Variants in DPYSL2 observed in about 807,000 individuals in gnomAD.
DPYSL2 encodes dihydropyrimidinase like 2, also known as dihydropyrimidinase-related protein 2.
In DPYSL2, 13 loss-of-function variants were observed where a neutral mutation model predicts 69.9. The observed-to-expected ratio is 0.19, with a 90% CI of 0.12 to 0.30. DPYSL2 has a LOEUF of 0.30. Ranked by LOEUF, DPYSL2 falls within the 10% of genes least tolerant of loss-of-function variation. The probability of loss-of-function intolerance (pLI) is 1.00; values close to 1 mark genes in which losing one functional copy is unlikely to be tolerated. For missense variants in DPYSL2, 587 were observed against 918.9 expected (o/e 0.64, Z 4.67); for synonymous variants, 326 against 359.1 (o/e 0.91, Z 1.04).
At chr8:26,557,615 T>TAAAAAGAAAAA (rs1801009262) in intron 1 of DPYSL2, among the ~76,000 whole-genome samples, 1 of 5,266 alleles carries the variant, frequency 1.9e-4, no homozygotes, top group Non-Finnish European at 4.8e-4. Flanking sequence ...CTGTCTCTAC[T>TAAAAAGAAAAA]AAAAATACAA....
In DPYSL2 at chr8:26,647,545, G is replaced by A; in HGVS notation, c.1426-85G>A. The A allele has an allele frequency of 7.1e-7, 1 of 1,401,516 alleles. No individual in the cohort carries two copies. The highest frequency in any genetic ancestry group is 9.7e-7 in the Non-Finnish European group (1 of 1,027,012). The allele number at this position is 1,401,516 out of a possible 1,614,324, so 86.8% of individuals were successfully genotyped here. ...TTGACATCCATCTAAGCTGTCGTGT[G>A]TATCAATAGTTTGTTATTGAAAAGT... On this transcript the variant is annotated intron_variant, in intron 10 of 13. Transcript: ENST00000521913. This position sits in a 1 kb window ranked among gnomAD's most constrained non-coding sequence, Gnocchi z 5.1.
chr8:26,560,192 C>G lies in DPYSL2; in HGVS notation c.355-21777C>G, dbSNP rs150340013. ...TTCCCGACGGCCTTGGCAGCTCACTCTGCCTGAACCTGGGTGGCAGGGGCT... is the reference window on the plus strand; with the variant it reads ...TTCCCGACGGCCTTGGCAGCTCACTGTGCCTGAACCTGGGTGGCAGGGGCT... On this transcript the variant is annotated intron_variant, in intron 1 of 13. Transcript: ENST00000521913. The surrounding 1 kb of genome is among the most constrained non-coding windows in gnomAD (Gnocchi z 4.4). 3.3e-3 allele frequency among the ~76,000 whole-genome samples: 496 copies of G among 152,292 alleles called. 6 individuals carry two copies. Among genetic ancestry groups the G allele is most frequent in the African/African-American group, 0.011 (466 of 41,568 alleles).
Position 26,624,426 on chromosome 8 carries a change from C to T in DPYSL2, c.793+119C>T. 7.6e-7 allele frequency: 1 copy of T among 1,314,890 alleles called. No individual in the cohort carries two copies. The highest frequency in any genetic ancestry group is 1.1e-6 in the Non-Finnish European group (1 of 951,392). 81.5% of individuals were successfully genotyped at this position (1,314,890 alleles called of 1,614,324 possible). A position where few individuals can be genotyped will look rare whatever the true frequency, so the allele number is the denominator to read the frequency against. On this transcript the variant is annotated intron_variant, in intron 4 of 13. Coordinates refer to ENST00000521913, the MANE Select transcript of DPYSL2 (RefSeq NM_001197293.3). This position sits in a 1 kb window ranked among gnomAD's most constrained non-coding sequence, Gnocchi z 4.7. ...TCCCATTTGTGCCTCATGCCCATGC[C>T]TGCCCCTGGGAAGGAGAGAGGGCTT...
At chr8:26,563,061 G>T (rs73678810) in intron 1 of DPYSL2, among the ~76,000 whole-genome samples, 4,288 of 152,194 alleles carry the variant, frequency 0.028, 208 homozygotes, top group African/African-American at 0.096. Context: ...TCCTTGGAAG[G>T]CATCTCTTCT....
chr8:26,567,432 C>T (rs545998685), intron 1 of DPYSL2, among the ~76,000 whole-genome samples: 1 of 152,356 alleles, frequency 6.6e-6, no homozygotes, highest in Admixed American at 6.5e-5. Flanking sequence ...ATCCATCCAT[C>T]CATCCTTTCA....
intron 1 of DPYSL2, among the ~76,000 whole-genome samples, chr8:26,556,751 G>A (rs907196884): frequency 6.6e-6 from 1 of 151,968 alleles, no homozygotes. Context: ...TGAATCTAAA[G>A]TTTATATGGA....
chr8:26,626,482 A>AACACAC lies in DPYSL2; in HGVS notation c.794-100_794-95dup, dbSNP rs58931747. On this transcript the variant is annotated intron_variant, in intron 4 of 13. Transcript: ENST00000521913. This position sits in a 1 kb window ranked among gnomAD's most constrained non-coding sequence, Gnocchi z 4.3. ...TCTCCTCTCTCTTTCTCTGTACTGA[A>AACACAC]ACACACACACACACACACACACACA... 8.3e-4 allele frequency: 454 copies of AACACAC among 547,456 alleles called. No homozygotes were observed. The highest frequency in any genetic ancestry group is 3.4e-3 in the East Asian group (108 of 31,820). The allele number at this position is 547,456 out of a possible 1,614,324, so 33.9% of individuals were successfully genotyped here. A position where few individuals can be genotyped will look rare whatever the true frequency, so the allele number is the denominator to read the frequency against.
At chr8:26,546,130 T>C (rs960742990) in intron 1 of DPYSL2, among the ~76,000 whole-genome samples, 4 of 152,254 alleles carry the variant, frequency 2.6e-5, no homozygotes. Context: ...AACTTGGGAA[T>C]ATTTCTTCAT....
chr8:26,556,565 T>C (rs1800991608), intron 1 of DPYSL2, among the ~76,000 whole-genome samples: 1 of 150,278 alleles, frequency 6.7e-6, no homozygotes, highest in African/African-American at 2.4e-5. Flanking sequence ...AGAATTTATA[T>C]TAAAAACATA....
Position 26,565,780 on chromosome 8 carries a change from C to T in DPYSL2, c.355-16189C>T, listed in dbSNP as rs1403974770. ...GGCAGAGAAAGGTACAGGGTCCCCG[C>T]TCCATGCAATTAACTGGAAAGTCAA... On this transcript the variant is annotated intron_variant, in intron 1 of 13. Coordinates refer to ENST00000521913, the MANE Select transcript of DPYSL2 (RefSeq NM_001197293.3). The surrounding 1 kb of genome is among the most constrained non-coding windows in gnomAD (Gnocchi z 4.1). Among the ~76,000 whole-genome samples the T allele has an allele frequency of 6.6e-6, 1 of 152,192 alleles. No individual in the cohort carries two copies. The highest frequency in any genetic ancestry group is 2.4e-5 in the African/African-American group (1 of 41,446).
rs1801615136 is a variant in DPYSL2, at chr8:26,586,802, T to A, written c.628+2819T>A. Among the ~76,000 whole-genome samples, 1 of 152,196 alleles carries A rather than the reference T, an allele frequency of 6.6e-6. No homozygotes were observed. ...AGTCTGACCGCCTGCTCTGCTTCCTTGGCCAGAATGCTATGGCATTTGCAC... is the reference window on the plus strand; with the variant it reads ...AGTCTGACCGCCTGCTCTGCTTCCTAGGCCAGAATGCTATGGCATTTGCAC... On this transcript the variant is annotated intron_variant, in intron 3 of 13. Coordinates refer to ENST00000521913, the MANE Select transcript of DPYSL2 (RefSeq NM_001197293.3). This position sits in a 1 kb window ranked among gnomAD's most constrained non-coding sequence, Gnocchi z 4.7.
chr8:26,592,142 A>T (rs1165197744), intron 3 of DPYSL2, among the ~76,000 whole-genome samples: 1 of 152,178 alleles, frequency 6.6e-6, no homozygotes, highest in East Asian at 1.9e-4. Flanking sequence ...TTTTTAAAAA[A>T]ATTAATGGTG....
At chr8:26,556,192 T>TATTA (rs370573016) in intron 1 of DPYSL2, among the ~76,000 whole-genome samples, 1 of 9,026 alleles carries the variant, frequency 1.1e-4, no homozygotes, top group Non-Finnish European at 1.9e-4. Context: ...ACTATATATA[T>TATTA]TATATATACT....
intron 1 of DPYSL2, among the ~76,000 whole-genome samples, chr8:26,546,797 T>C (rs1306340200): frequency 6.6e-6 from 1 of 151,294 alleles, no homozygotes; most frequent in Non-Finnish European, 1.5e-5. Context: ...GGCGGGCACC[T>C]GTAGTCCCAG....
At chr8:26,536,072 C>A (rs189339161) in intron 1 of DPYSL2, among the ~76,000 whole-genome samples, 3 of 151,486 alleles carry the variant, frequency 2.0e-5, no homozygotes, top group Admixed American at 2.0e-4. Context: ...CAGGTACATG[C>A]CACCATGCCC....
At position 26,624,028 on chromosome 8, in the gene DPYSL2, A is replaced by C; in HGVS notation, c.629-115A>C. 1 of 1,077,190 alleles carries C rather than the reference A, an allele frequency of 9.3e-7. No homozygotes were observed. Among genetic ancestry groups the C allele is most frequent in the South Asian group, 1.5e-5 (1 of 65,508 alleles). The allele number at this position is 1,077,190 out of a possible 1,614,324, so 66.7% of individuals were successfully genotyped here. On this transcript the variant is annotated intron_variant, in intron 3 of 13. Transcript: ENST00000521913. The surrounding 1 kb of genome is among the most constrained non-coding windows in gnomAD (Gnocchi z 4.7). ...TTCTTAGAAGCTGGTTGTAGAGATC[A>C]CCATCTCGATTTTGAACCCAAGAAG...
In DPYSL2 at chr8:26,655,719, G is replaced by A. The variant is rs1444159412; in HGVS notation, c.*13G>A. Reference sequence around the variant, plus strand: ...CAGCCTGGGCTAGAGCTCCTGGGCTGTGCCGTCCACTGGGGACTGGGGATG... The same window carrying A: ...CAGCCTGGGCTAGAGCTCCTGGGCTATGCCGTCCACTGGGGACTGGGGATG... On this transcript the variant is annotated 3_prime_UTR_variant, in exon 14 of 14. Coordinates refer to ENST00000521913, the MANE Select transcript of DPYSL2 (RefSeq NM_001197293.3). The A allele has an allele frequency of 2.5e-6, 4 of 1,591,764 alleles. No homozygotes were observed. The South Asian group carries it at 4.5e-5, about 18-fold the overall frequency.
chr8:26,558,721 G>A (rs1801028427), intron 1 of DPYSL2, among the ~76,000 whole-genome samples: 1 of 152,114 alleles, frequency 6.6e-6, no homozygotes, highest in Non-Finnish European at 1.5e-5. Flanking sequence ...GGATATATGG[G>A]AATCTTGTTA....
intron 7 of DPYSL2, 143 bp from the exon 8 acceptor site, chr8:26,634,637 C>A: frequency 7.2e-7 from 1 of 1,391,958 alleles, no homozygotes; most frequent in Admixed American, 2.0e-5. Context: ...GCAAGTCATA[C>A]TCCTTTGAAT....
Sources: allele counts gnomAD v4.1 joint callset (sites outside exome capture counted in the v4.1 genomes callset), GRCh38; gene constraint gnomAD v4.1.1; non-coding constraint Gnocchi (gnomAD v3.1); transcripts MANE v1.5; gene names NCBI Gene and HGNC (gene_info 2026-07-23, HGNC 2026-07-21).